NHS: variants seen among roughly 807,000 people sequenced by gnomAD.
NHS encodes the protein NHS actin remodeling regulator.
A neutral mutation model predicts 72.5 loss-of-function variants in NHS; 5 were observed. That is an observed-to-expected ratio of 0.07 (90% CI 0.04 to 0.14). NHS has a LOEUF of 0.14. NHS is among the 10% of genes least tolerant of loss of function. The pLI is 1.00. For synonymous variants in NHS, 464 were observed against 547.7 expected, an observed-to-expected ratio of 0.85 and a Z score of 2.13; for missense variants, 1,072 against 1,355.7, an observed-to-expected ratio of 0.79 and a Z score of 3.29.
chrX:17,404,798 A>ACT (rs1273582714), intron 1 of NHS, among the ~76,000 whole-genome samples: 2 of 98,396 alleles, frequency 2.0e-5, no homozygotes, highest in African/African-American at 8.3e-5. Flanking sequence ...TGCCCGTAAC[A>ACT]CTCTGTCTCT....
At chrX:17,685,731 C>T (rs899635667) in intron 1 of NHS, among the ~76,000 whole-genome samples, 3 of 111,786 alleles carry the variant, frequency 2.7e-5, no homozygotes, top group Non-Finnish European at 5.6e-5. Flanking sequence ...GAAAGGTGGA[C>T]GTGGAGGAGT....
At chrX:17,601,608 G>A (rs774546888) in intron 1 of NHS, among the ~76,000 whole-genome samples, 13 of 111,624 alleles carry the variant, frequency 1.2e-4, no homozygotes, top group African/African-American at 3.9e-4. Context: ...TATGTCTAGA[G>A]CTTTAAAAGA....
intron 1 of NHS, among the ~76,000 whole-genome samples, chrX:17,625,876 G>A (rs1425554241): frequency 1.8e-5 from 2 of 111,499 alleles, no homozygotes; most frequent in Non-Finnish European, 3.8e-5. Context: ...AAATTCCAGT[G>A]TATATTTACA....
chrX:17,391,794 C>T (rs1368621081), intron 1 of NHS, among the ~76,000 whole-genome samples: 1 of 111,997 alleles, frequency 8.9e-6, no homozygotes, highest in African/African-American at 3.2e-5. Context: ...TATTTGCCAT[C>T]ATGGAAGTGG....
At chrX:17,550,196 G>A (rs1454788929) in intron 1 of NHS, among the ~76,000 whole-genome samples, 6 of 112,100 alleles carry the variant, frequency 5.4e-5, no homozygotes, top group Non-Finnish European at 7.5e-5. Flanking sequence ...AGGAATTCAC[G>A]TCACAGGGCA....
chrX:17,456,575 T>C (rs2064826693), intron 1 of NHS, among the ~76,000 whole-genome samples: 1 of 112,303 alleles, frequency 8.9e-6, no homozygotes, highest in Non-Finnish European at 1.9e-5. Flanking sequence ...CCATTTTAAT[T>C]AGGCTAAAAC....
At chrX:17,489,569 GC>G (rs1227540895) in intron 1 of NHS, among the ~76,000 whole-genome samples, 1 of 111,963 alleles carries the variant, frequency 8.9e-6, no homozygotes, top group Non-Finnish European at 1.9e-5. Context: ...CTCACTGAAA[GC>G]TCAGCCTCCT....
Position 17,445,484 on chromosome X carries a change from AC to A in NHS, c.565+69165del, listed in dbSNP as rs200451815. Among the ~76,000 whole-genome samples, 389 of 110,309 alleles carry A rather than the reference AC, an allele frequency of 3.5e-3. 2 individuals carry two copies. Among genetic ancestry groups the A allele is most frequent in the African/African-American group, 0.012 (369 of 30,262 alleles). On this transcript the variant is annotated intron_variant, in intron 1 of 8. Coordinates refer to ENST00000676302, the MANE Select transcript of NHS (RefSeq NM_001291867.2). ...ATTCAGTGTTATGTTTTTGAGATTC[AC>A]CCATGTTGTTGTGTGTAGCTGCAGA...
chrX:17,439,499 G>A (rs945178674), intron 1 of NHS, among the ~76,000 whole-genome samples: 1 of 111,402 alleles, frequency 9.0e-6, no homozygotes, highest in African/African-American at 3.3e-5. Flanking sequence ...GTATTATTGT[G>A]CATGTTCTAA....
intron 3 of NHS, among the ~76,000 whole-genome samples, chrX:17,694,138 G>A (rs1420514985): frequency 8.9e-6 from 1 of 112,102 alleles, no homozygotes; most frequent in Non-Finnish European, 1.9e-5. Context: ...ATAGCAACGA[G>A]AGTACATCAT....
intron 1 of NHS, among the ~76,000 whole-genome samples, chrX:17,476,147 T>A (rs2064916712): frequency 8.9e-6 from 1 of 111,865 alleles, no homozygotes; most frequent in African/African-American, 3.3e-5. Flanking sequence ...TTGGATTAGC[T>A]GGGTTAGACC....
chrX:17,721,639 G>A lies in NHS; in HGVS notation c.1108+6G>A, dbSNP rs1199950389. 3.3e-6 allele frequency: 4 copies of A among 1,202,017 alleles called. No individual in the cohort carries two copies. The highest frequency in any genetic ancestry group is 1.1e-6 in the Non-Finnish European group (1 of 888,969). On this transcript the variant is annotated splice_donor_region_variant and intron_variant, in intron 5 of 8. Coordinates refer to ENST00000676302, the MANE Select transcript of NHS (RefSeq NM_001291867.2). Reference sequence around the variant, plus strand: ...TATTCCCATCAATGTTACTGGTATCGTTCTGGTTTTTTCTTAGGGGCAGTC... The same window carrying A: ...TATTCCCATCAATGTTACTGGTATCATTCTGGTTTTTTCTTAGGGGCAGTC...
intron 1 of NHS, among the ~76,000 whole-genome samples, chrX:17,648,155 C>G: frequency 9.0e-6 from 1 of 111,692 alleles, no homozygotes; most frequent in Non-Finnish European, 1.9e-5. Context: ...GTGGGTGGTT[C>G]TGGTCTGGGA....
intron 1 of NHS, among the ~76,000 whole-genome samples, chrX:17,390,393 C>G (rs973394043): frequency 5.5e-5 from 6 of 110,080 alleles, no homozygotes; most frequent in Non-Finnish European, 7.6e-5. Flanking sequence ...CCTCCCCACC[C>G]CTGAAGTGAT....
chrX:17,511,307 G>A (rs972717103), intron 1 of NHS, among the ~76,000 whole-genome samples: 1 of 111,504 alleles, frequency 9.0e-6, no homozygotes, highest in African/African-American at 3.3e-5. Context: ...GGGGGCTGGA[G>A]GGGCTGAGCA....
intron 1 of NHS, among the ~76,000 whole-genome samples, chrX:17,380,843 G>A (rs1380732344): frequency 3.6e-5 from 4 of 111,831 alleles, no homozygotes; most frequent in Non-Finnish European, 7.5e-5. Flanking sequence ...TTGAGAAGCC[G>A]AGAGGGGATG....
In NHS at chrX:17,445,759, G is replaced by C. The variant is rs201921273; in HGVS notation, c.565+69437G>C. On this transcript the variant is annotated intron_variant, in intron 1 of 8. Coordinates refer to ENST00000676302, the MANE Select transcript of NHS (RefSeq NM_001291867.2). ...TACTCACTGCTAAAAAAAAAAAAGG[G>C]GGGGGGGACTCTGTATATTTTTAAA... Among the ~76,000 whole-genome samples the C allele has an allele frequency of 2.3e-3, 238 of 103,002 alleles. 1 individual carries two copies. The highest frequency in any genetic ancestry group is 9.0e-3 in the East Asian group (29 of 3,214). The allele number at this position is 103,002 out of a possible 115,157, so 89.4% of individuals were successfully genotyped here. A position where few individuals can be genotyped will look rare whatever the true frequency, so the allele number is the denominator to read the frequency against.
chrX:17,729,595 C>T (rs2066473888), intron 8 of NHS, among the ~76,000 whole-genome samples: 1 of 112,104 alleles, frequency 8.9e-6, no homozygotes, highest in African/African-American at 3.2e-5. Context: ...GTGTTGTGTC[C>T]ATGCTGCAAA....
intron 1 of NHS, among the ~76,000 whole-genome samples, chrX:17,597,372 A>G (rs58788306): frequency 0.2 from 21,255 of 106,073 alleles, 4,808 homozygotes; most frequent in African/African-American, 0.65. Flanking sequence ...TGATCCGCCC[A>G]CCTCGGCCTC....
Sources: allele counts gnomAD v4.1 joint callset (sites outside exome capture counted in the v4.1 genomes callset), GRCh38; gene constraint gnomAD v4.1.1; transcripts MANE v1.5; gene names NCBI Gene and HGNC (gene_info 2026-07-23, HGNC 2026-07-21).